OPRM1: variants seen among roughly 807,000 people sequenced by gnomAD.
OPRM1 encodes opioid receptor mu 1.
Under a neutral mutation model 31.8 loss-of-function variants are expected in OPRM1, and 27 were observed. That is an observed-to-expected ratio of 0.85 (90% CI 0.63 to 1.17). The LOEUF is 1.17. Among genes scored for constraint, OPRM1 ranks in the 50% most tolerant of loss-of-function variants. The pLI, the probability that OPRM1 is intolerant of heterozygous loss-of-function variation, is 0.00. For missense variants in OPRM1, 536 were observed against 511.1 expected (o/e 1.05, Z -0.47); for synonymous variants, 196 against 189.9 (o/e 1.03, Z -0.26).
At chr6:154,239,114 A>G (rs938082108) in intron 3 of OPRM1, among the ~76,000 whole-genome samples, 2 of 152,158 alleles carry the variant, frequency 1.3e-5, no homozygotes, top group African/African-American at 2.4e-5. Flanking sequence ...GCCTTCTGAG[A>G]ACAAGACAAA....
chr6:154,083,773 T>A (rs1789733106), intron 1 of OPRM1: 1 of 151,774 alleles, frequency 6.6e-6, no homozygotes, highest in African/African-American at 2.4e-5. Flanking sequence ...TGAAACCCCG[T>A]CTCTACTAAA....
intron 3 of OPRM1, chr6:154,214,412 G>C (rs1250349434): frequency 1.4e-6 from 1 of 719,454 alleles, no homozygotes; most frequent in Non-Finnish European, 2.5e-6. Flanking sequence ...GCATAAGTTT[G>C]TGCCATCGAA....
chr6:154,245,287 G>GAA (rs34710266), intron 3 of OPRM1, among the ~76,000 whole-genome samples: 173 of 108,402 alleles, frequency 1.6e-3, no homozygotes, highest in African/African-American at 5.9e-3. Context: ...CAAATGCTTG[G>GAA]AAAAAAAAAA....
chr6:154,033,802 G>A (rs550712999), intron 1 of OPRM1, among the ~76,000 whole-genome samples: 18 of 152,276 alleles, frequency 1.2e-4, no homozygotes, highest in African/African-American at 4.1e-4. Context: ...GGGTCTCTAA[G>A]ACTCTTTCCA....
In OPRM1 at chr6:154,107,783, CG is replaced by C. The variant is rs764695289; in HGVS notation, c.1165-10897del. 2.5e-4 allele frequency: 180 copies of C among 718,262 alleles called. 1 individual carries two copies. The highest frequency in any genetic ancestry group is 7.3e-4 in the South Asian group (49 of 67,566). 44.5% of individuals were successfully genotyped at this position (718,262 alleles called of 1,614,324 possible). A position where few individuals can be genotyped will look rare whatever the true frequency, so the allele number is the denominator to read the frequency against. On this transcript the variant is annotated intron_variant, in intron 3 of 3. Transcript: ENST00000330432. ...CCAAGTTTGTTGCTGACCAACTTGC[CG>C]GGTCGTCTTGAAAAGGGGGCTTACA... is the stretch of plus-strand genomic sequence containing the variant.
chr6:154,199,497 T>C (rs578245688), intron 3 of OPRM1, among the ~76,000 whole-genome samples: 1 of 152,308 alleles, frequency 6.6e-6, no homozygotes, highest in South Asian at 2.1e-4. Flanking sequence ...GTAGCTGGAG[T>C]TGTCCACATG....
At chr6:154,198,073 T>C (rs1452197526) in intron 3 of OPRM1, among the ~76,000 whole-genome samples, 3 of 152,146 alleles carry the variant, frequency 2.0e-5, no homozygotes, top group Non-Finnish European at 4.4e-5. Context: ...GCAATCAATA[T>C]TCAATGAAAA....
intron 3 of OPRM1, among the ~76,000 whole-genome samples, chr6:154,200,931 T>G (rs972350806): frequency 1.3e-5 from 2 of 152,156 alleles, no homozygotes; most frequent in Non-Finnish European, 2.9e-5. Context: ...AATCCCCACA[T>G]GTCGAGGGAG....
At chr6:154,186,433 T>C (rs980542320) in intron 3 of OPRM1, among the ~76,000 whole-genome samples, 2 of 152,232 alleles carry the variant, frequency 1.3e-5, no homozygotes, top group African/African-American at 4.8e-5. Flanking sequence ...ACCTAGTGTT[T>C]TGTTGCTAGC....
chr6:154,094,725 T>C (rs77769223), intron 3 of OPRM1, among the ~76,000 whole-genome samples: 1,706 of 152,270 alleles, frequency 0.011, 30 homozygotes, highest in African/African-American at 0.04. Context: ...AGAGTAGGAA[T>C]TGGCATACGG....
intron 3 of OPRM1, among the ~76,000 whole-genome samples, chr6:154,106,449 C>CG (rs1335153076): frequency 1.3e-5 from 2 of 152,210 alleles, no homozygotes; most frequent in African/African-American, 2.4e-5. Context: ...GTCCCCAGAC[C>CG]TTACCTAGCA....
intron 3 of OPRM1, among the ~76,000 whole-genome samples, chr6:154,152,852 C>T (rs1045647499): frequency 6.6e-6 from 1 of 152,030 alleles, no homozygotes; most frequent in Admixed American, 6.5e-5. Context: ...GCCTCAGCCT[C>T]TCACGTAGCT....
chr6:154,148,391 A>G (rs1405092687), intron 3 of OPRM1, among the ~76,000 whole-genome samples: 1 of 152,204 alleles, frequency 6.6e-6, no homozygotes, highest in Non-Finnish European at 1.5e-5. Flanking sequence ...GACTTTTGTT[A>G]TTAGCAGGCA....
At chr6:154,146,140 C>A (rs112637615) in intron 3 of OPRM1, among the ~76,000 whole-genome samples, 195 of 152,350 alleles carry the variant, frequency 1.3e-3, no homozygotes, top group African/African-American at 4.6e-3. Context: ...TGGCTCACGC[C>A]TGTAATCCCA....
intron 3 of OPRM1, among the ~76,000 whole-genome samples, chr6:154,182,988 CT>C (rs1041540280): frequency 1.5e-5 from 2 of 130,774 alleles, no homozygotes; most frequent in East Asian, 2.0e-4. Context: ...TTTTTTTTTT[CT>C]TTTTTTTTGA....
intron 1 of OPRM1, among the ~76,000 whole-genome samples, chr6:154,031,264 T>C (rs1007192662): frequency 4.6e-5 from 7 of 152,186 alleles, no homozygotes; most frequent in Non-Finnish European, 8.8e-5. Flanking sequence ...AATTAATTGT[T>C]TGGCACAGGT....
chr6:154,199,661 G>A, intron 3 of OPRM1: 1 of 1,586,002 alleles, frequency 6.3e-7, no homozygotes, highest in Non-Finnish European at 8.6e-7. Context: ...ATAATTTATT[G>A]GTTTACCTTT....
intron 3 of OPRM1, among the ~76,000 whole-genome samples, chr6:154,140,177 A>G (rs2128537615): frequency 6.6e-6 from 1 of 152,304 alleles, no homozygotes; most frequent in Non-Finnish European, 1.5e-5. Flanking sequence ...ACAGTCTGTC[A>G]TTATCGCAAC....
Position 154,043,642 on chromosome 6 carries a change from T to C in OPRM1, c.290+3808T>C, listed in dbSNP as rs931056138. ...TAGTAATTTTCATAAAATAAAAAGATAATAGTTTATTTACTCAAATATTAA... is the reference window on the plus strand; with the variant it reads ...TAGTAATTTTCATAAAATAAAAAGACAATAGTTTATTTACTCAAATATTAA... On this transcript the variant is annotated intron_variant, in intron 1 of 3. Coordinates refer to ENST00000330432, the MANE Select transcript of OPRM1 (RefSeq NM_000914.5). Among the ~76,000 whole-genome samples the C allele has an allele frequency of 3.2e-4, 49 of 151,980 alleles. 1 individual carries two copies. The highest frequency in any genetic ancestry group is 1.0e-4 in the Non-Finnish European group (7 of 67,896).
Sources: gnomAD v4.1 joint callset for allele counts (sites outside exome capture counted in the v4.1 genomes callset) on GRCh38, gnomAD v4.1.1 for gene constraint, MANE v1.5 for transcripts, NCBI Gene and HGNC (gene_info 2026-07-23, HGNC 2026-07-21) for gene names.